CBR4: variants seen among roughly 807,000 people sequenced by gnomAD.
CBR4 encodes carbonyl reductase 4.
A neutral mutation model predicts 21.0 loss-of-function variants in CBR4; 22 were observed. The observed-to-expected ratio is 1.05, with a 90% CI of 0.75 to 1.50. The LOEUF is 1.50. Ranked by LOEUF, CBR4 falls within the 40% of genes most tolerant of loss-of-function variation. The probability of loss-of-function intolerance (pLI) is 0.00; values close to 1 mark genes in which losing one functional copy is unlikely to be tolerated. For missense variants in CBR4, 302 were observed against 286.3 expected, an observed-to-expected ratio of 1.05 and a Z score of -0.40; for synonymous variants, 100 against 104.4, an observed-to-expected ratio of 0.96 and a Z score of 0.26.
intron 2 of CBR4, among the ~76,000 whole-genome samples, chr4:168,909,241 T>C (rs1758415105): frequency 6.6e-6 from 1 of 152,224 alleles, no homozygotes; most frequent in African/African-American, 2.4e-5. Flanking sequence ...ACTTGGATTT[T>C]GGAATGGCTA....
chr4:169,005,254 G>A (rs1730811100), intron 3 of CBR4: 2 of 152,070 alleles, frequency 1.3e-5, no homozygotes, highest in African/African-American at 4.8e-5. Flanking sequence ...AACAGGGCTG[G>A]TCCGATGGTA....
At chr4:168,917,832 T>C (rs917860382) in intron 2 of CBR4, among the ~76,000 whole-genome samples, 17 of 152,242 alleles carry the variant, frequency 1.1e-4, no homozygotes, top group Admixed American at 1.1e-3. Flanking sequence ...TCATTTTTGG[T>C]CTATAATTAA....
intron 2 of CBR4, among the ~76,000 whole-genome samples, chr4:168,928,610 T>TATC (rs1358940605): frequency 2.0e-5 from 3 of 152,338 alleles, no homozygotes; most frequent in African/African-American, 7.2e-5. Flanking sequence ...AAAATCATTG[T>TATC]ATCAGCTGGA....
rs896419999 is a variant in CBR4, at chr4:168,988,545, T to C, written c.*1605A>G. On this transcript the variant is annotated 3_prime_UTR_variant, in exon 5 of 5. Coordinates refer to ENST00000306193, the MANE Select transcript of CBR4 (RefSeq NM_032783.5). ...ACAGCATTAGAGAAACTATCTACTA[T>C]GTCTGAATAAGCTCCCCTACCTTAC... The C allele has an allele frequency of 3.0e-6, 3 of 985,274 alleles. No homozygotes were observed. The highest frequency in any genetic ancestry group is 3.6e-6 in the Non-Finnish European group (3 of 829,918). The allele number at this position is 985,274 out of a possible 1,614,324, so 61.0% of individuals were successfully genotyped here. A position where few individuals can be genotyped will look rare whatever the true frequency, so the allele number is the denominator to read the frequency against.
intron 2 of CBR4, chr4:168,896,519 G>A (rs1366170855): frequency 1.6e-6 from 2 of 1,289,900 alleles, no homozygotes; most frequent in Non-Finnish European, 2.2e-6. Flanking sequence ...TCTATTATTA[G>A]TCTTCACATC....
rs745810749 is a variant in CBR4 at position 168,990,111 on chromosome 4, C to G, written c.*39G>C. ...GTCTAATCAGTAGCCAAAGTGTGCCCTTGATGCTAATCACCCCTATAACTG... is the reference window on the plus strand; with the variant it reads ...GTCTAATCAGTAGCCAAAGTGTGCCGTTGATGCTAATCACCCCTATAACTG... On this transcript the variant is annotated 3_prime_UTR_variant, in exon 5 of 5. Coordinates refer to ENST00000306193, the MANE Select transcript of CBR4 (RefSeq NM_032783.5). 22 of 1,488,362 alleles carry G rather than the reference C, an allele frequency of 1.5e-5. No homozygotes were observed. Among genetic ancestry groups the G allele is most frequent in the Non-Finnish European group, 2.0e-5 (22 of 1,112,974 alleles). The allele number at this position is 1,488,362 out of a possible 1,614,324, so 92.2% of individuals were successfully genotyped here. A position where few individuals can be genotyped will look rare whatever the true frequency, so the allele number is the denominator to read the frequency against.
intron 4 of CBR4, among the ~76,000 whole-genome samples, chr4:168,994,367 A>T (rs1973110): frequency 0.99 from 150,725 of 152,240 alleles, 74,632 homozygotes; most frequent in East Asian, 1. Flanking sequence ...AAACCCACAA[A>T]CTTCAGCATG....
intron 2 of CBR4, among the ~76,000 whole-genome samples, chr4:168,918,537 A>G (rs1017925838): frequency 2.0e-5 from 3 of 152,132 alleles, no homozygotes; most frequent in South Asian, 4.1e-4. Context: ...AGACGGGGAG[A>G]GGGAAAGTTG....
chr4:168,915,271 C>T (rs1041815059), intron 2 of CBR4, among the ~76,000 whole-genome samples: 3 of 152,100 alleles, frequency 2.0e-5, no homozygotes, highest in African/African-American at 7.2e-5. Context: ...GTCTTCCCTG[C>T]GATTACTTTC....
intron 4 of CBR4, among the ~76,000 whole-genome samples, chr4:168,994,325 G>A (rs1396983042): frequency 6.6e-6 from 1 of 152,186 alleles, no homozygotes; most frequent in East Asian, 1.9e-4. Context: ...TCCACCCTGG[G>A]TGGGCCAGGT....
rs1395166987 is a variant in CBR4, at chr4:169,002,157, G to A, written c.449C>T (p.Ala150Val). ...AAATCCAACTAATCCTCCTTTACTGGCACTGTAAACGGACTGGCCAGAGTT... is the reference window on the plus strand; with the variant it reads ...AAATCCAACTAATCCTCCTTTACTGACACTGTAAACGGACTGGCCAGAGTT... ...KGNSGQSVYS[A>V]SKGGLVGFSR... Residue 150 changes from alanine to valine, a missense_variant, in exon 4 of 5, where the codon GCC becomes GTC. Physicochemically the swap from Ala to Val is moderately conservative, Grantham distance 64. Transcript: ENST00000306193. The A allele has an allele frequency of 6.4e-7, 1 of 1,574,200 alleles. No homozygotes were observed. The highest frequency in any genetic ancestry group is 8.6e-7 in the Non-Finnish European group (1 of 1,164,128).
chr4:168,972,901 TG>T (rs962782498), intron 2 of CBR4, among the ~76,000 whole-genome samples: 1 of 152,238 alleles, frequency 6.6e-6, no homozygotes, highest in African/African-American at 2.4e-5. Context: ...AGTATAATGT[TG>T]GTTGTGAGCT....
intron 4 of CBR4, among the ~76,000 whole-genome samples, chr4:168,997,197 G>A (rs1391042067): frequency 6.6e-6 from 1 of 152,132 alleles, no homozygotes; most frequent in Non-Finnish European, 1.5e-5. Context: ...TGATGCTACT[G>A]CATCACCTGG....
intron 2 of CBR4, among the ~76,000 whole-genome samples, chr4:168,980,264 G>T (rs983431369): frequency 1.3e-5 from 2 of 151,994 alleles, no homozygotes; most frequent in Non-Finnish European, 2.9e-5. Context: ...CACTTGAGAG[G>T]AGGCTCACTT....
In CBR4 at chr4:168,918,276, T is replaced by C. The variant is rs569164156; in HGVS notation, n.170-23511A>G. On this transcript the variant is annotated intron_variant and non_coding_transcript_variant, in intron 2 of 3. Coordinates refer to the CBR4 transcript ENST00000509108. ...GCAGCACTATTCATAATAGCCAGGA[T>C]ACGGGATCAGCCTAAGTGTCAACAG... Among the ~76,000 whole-genome samples the C allele has an allele frequency of 8.3e-4, 126 of 151,032 alleles. 1 individual carries two copies. Among genetic ancestry groups the C allele is most frequent in the African/African-American group, 2.7e-3 (111 of 41,270 alleles).
chr4:168,942,280 G>C (rs1247404741), intron 2 of CBR4, among the ~76,000 whole-genome samples: 1 of 152,004 alleles, frequency 6.6e-6, no homozygotes, highest in Non-Finnish European at 1.5e-5. Flanking sequence ...AATACCTAAT[G>C]CATGAGGGGC....
chr4:168,951,476 T>C (rs989398178), intron 2 of CBR4, among the ~76,000 whole-genome samples: 1 of 152,216 alleles, frequency 6.6e-6, no homozygotes, highest in Non-Finnish European at 1.5e-5. Context: ...TTTTTGTTTT[T>C]GCTTTTTAAA....
chr4:168,922,353 T>G lies in CBR4; in HGVS notation n.170-27588A>C, dbSNP rs904450234. On this transcript the variant is annotated intron_variant and non_coding_transcript_variant, in intron 2 of 3. Coordinates refer to the CBR4 transcript ENST00000509108. The stretch of plus-strand genomic sequence containing the variant: ...GTTAGGTGTTGAGTACCTGATCTCT[T>G]TTAAGAAAGAACATAACAAAACATT... Among the ~76,000 whole-genome samples, 37 of 152,194 alleles carry G rather than the reference T, an allele frequency of 2.4e-4. 2 individuals are homozygous for G. Among genetic ancestry groups the G allele is most frequent in the Admixed American group, 2.4e-3 (36 of 15,284 alleles).
At chr4:168,972,335 G>A (rs1764237089) in intron 2 of CBR4, among the ~76,000 whole-genome samples, 1 of 152,078 alleles carries the variant, frequency 6.6e-6, no homozygotes, top group Non-Finnish European at 1.5e-5. Context: ...TGATATTATG[G>A]CAGGAATTGC....
Sources: gnomAD v4.1 joint callset for allele counts (sites outside exome capture counted in the v4.1 genomes callset) on GRCh38, gnomAD v4.1.1 for gene constraint, MANE v1.5 for transcripts, NCBI Gene and HGNC (gene_info 2026-07-23, HGNC 2026-07-21) for gene names.